CYP4X1: variants seen among roughly 807,000 people sequenced by gnomAD.
CYP4X1 encodes the protein cytochrome P450 4X1.
Under a neutral mutation model 57.9 loss-of-function variants are expected in CYP4X1, and 44 were observed. The ratio of observed to expected loss-of-function variants is 0.76; its 90% CI spans 0.60 to 0.98. CYP4X1 has a LOEUF of 0.98. CYP4X1 is among the 50% of genes least tolerant of loss of function. The probability of loss-of-function intolerance (pLI) is 0.00; values close to 1 mark genes in which losing one functional copy is unlikely to be tolerated. For missense variants in CYP4X1, 532 were observed against 623.9 expected, an observed-to-expected ratio of 0.85 and a Z score of 1.57; for synonymous variants, 227 against 228.6, an observed-to-expected ratio of 0.99 and a Z score of 0.06.
chr1:46,989,371 C>A, the CYP4X1 span, among the ~76,000 whole-genome samples: 3 of 152,028 alleles, frequency 2.0e-5, no homozygotes, highest in African/African-American at 7.2e-5. Context: ...TCAAGGAGAA[C>A]TACAAACCAC....
At chr1:46,961,652 A>G in the CYP4X1 span, 1 of 1,290,496 alleles carries the variant, frequency 7.7e-7, no homozygotes, top group Non-Finnish European at 1.0e-6. Flanking sequence ...CTGCTTATCA[A>G]GGTGCCTCCT....
chr1:47,008,730 T>C, the CYP4X1 span, among the ~76,000 whole-genome samples: 2 of 152,100 alleles, frequency 1.3e-5, no homozygotes, highest in Non-Finnish European at 2.9e-5. Context: ...TGGAGGAAGA[T>C]CTACCAAACA....
At chr1:46,991,708 A>G in the CYP4X1 span, among the ~76,000 whole-genome samples, 1 of 152,180 alleles carries the variant, frequency 6.6e-6, no homozygotes, top group African/African-American at 2.4e-5. Flanking sequence ...GCAAGCGCAG[A>G]GCAAACTTAA....
the CYP4X1 span, among the ~76,000 whole-genome samples, chr1:47,008,131 C>T: frequency 2.6e-5 from 4 of 152,080 alleles, no homozygotes; most frequent in African/African-American, 9.7e-5. Context: ...TCAGATTCAC[C>T]AAAGTTGCAA....
At chr1:46,996,994 C>A in the CYP4X1 span, among the ~76,000 whole-genome samples, 1 of 152,148 alleles carries the variant, frequency 6.6e-6, no homozygotes, top group Non-Finnish European at 1.5e-5. Context: ...GCAGTTGATC[C>A]CCGTGGTGGC....
At chr1:47,024,802 T>C (rs1442970819) in intron 1 of CYP4X1, among the ~76,000 whole-genome samples, 1 of 152,192 alleles carries the variant, frequency 6.6e-6, no homozygotes, top group Non-Finnish European at 1.5e-5. Context: ...TGTGAAGGGC[T>C]GAGCAGAGTC....
chr1:47,040,552 A>G (rs1644234504), intron 8 of CYP4X1, among the ~76,000 whole-genome samples: 1 of 152,198 alleles, frequency 6.6e-6, no homozygotes, highest in Non-Finnish European at 1.5e-5. Context: ...TCATTTTATA[A>G]GGAAATAGAA....
At chr1:46,980,761 G>A in the CYP4X1 span, among the ~76,000 whole-genome samples, 96 of 152,220 alleles carry the variant, frequency 6.3e-4, no homozygotes, top group African/African-American at 2.0e-3. Context: ...AAAACAGCAT[G>A]GTACTGGTAC....
chr1:47,046,453 C>T lies in CYP4X1; in HGVS notation c.1074-14C>T, dbSNP rs1166157166. 8 of 1,613,616 alleles carry T rather than the reference C, an allele frequency of 5.0e-6. No individual in the cohort carries two copies. Among genetic ancestry groups the T allele is most frequent in the Non-Finnish European group, 3.4e-6 (4 of 1,179,826 alleles). On this transcript the variant is annotated splice_polypyrimidine_tract_variant and intron_variant, in intron 8 of 11. Coordinates refer to ENST00000371901, the MANE Select transcript of CYP4X1 (RefSeq NM_178033.2). ...TTATGATATCTGAGTCCCTTCCCTC[C>T]CTCATCCTCACAGGGACCAGCTGGG...
chr1:46,991,488 C>T, the CYP4X1 span, among the ~76,000 whole-genome samples: 1 of 152,214 alleles, frequency 6.6e-6, no homozygotes, highest in Admixed American at 6.5e-5. Flanking sequence ...GAAGTCCTAT[C>T]CCAGAGCTAA....
chr1:46,963,931 C>T, the CYP4X1 span, among the ~76,000 whole-genome samples: 6 of 152,184 alleles, frequency 3.9e-5, no homozygotes, highest in Non-Finnish European at 7.3e-5. Flanking sequence ...TTCTTGGAGG[C>T]TTTGTTCATT....
At position 47,038,678 on chromosome 1, in the gene CYP4X1, GAA is replaced by G. The variant is rs1557607191; in HGVS notation, c.796_797del (p.Lys266GlufsTer11). On this transcript the variant is annotated frameshift_variant, in exon 7 of 12. Transcript: ENST00000371901. LOFTEE classifies it high-confidence loss of function. ...TACCCAGATACAATAATCCAGGAAAGAAAGAAATCCCTCCAGGCTGGGGTAAA... is the reference window on the plus strand; with the variant it reads ...TACCCAGATACAATAATCCAGGAAAGAGAAATCCCTCCAGGCTGGGGTAAA... 6.2e-7 allele frequency: 1 copy of G among 1,608,058 alleles called. No individual in the cohort carries two copies. Among genetic ancestry groups the G allele is most frequent in the South Asian group, 1.1e-5 (1 of 89,762 alleles).
chr1:46,969,670 T>C, the CYP4X1 span, among the ~76,000 whole-genome samples: 1 of 152,258 alleles, frequency 6.6e-6, no homozygotes, highest in African/African-American at 2.4e-5. Context: ...GAAGCAATTA[T>C]AGAGTGTACC....
upstream of CYP4X1, among the ~76,000 whole-genome samples, chr1:47,021,970 G>C (rs925917259): frequency 1.3e-5 from 2 of 152,178 alleles, no homozygotes; most frequent in African/African-American, 4.8e-5. Flanking sequence ...GCATGGATCT[G>C]AGGTCTTTGG....
At chr1:47,052,998 A>G (rs938130346), downstream of CYP4X1, among the ~76,000 whole-genome samples, 2 of 152,054 alleles carry the variant, frequency 1.3e-5, no homozygotes, top group Admixed American at 6.5e-5. Flanking sequence ...TACATGTGCC[A>G]TGTTGGTGTG....
the CYP4X1 span, among the ~76,000 whole-genome samples, chr1:46,980,690 G>A: frequency 6.6e-6 from 1 of 152,132 alleles, no homozygotes; most frequent in Non-Finnish European, 1.5e-5. Context: ...TTAGCAAAAA[G>A]AACAAAGCTG....
chr1:47,012,969 G>A, the CYP4X1 span, among the ~76,000 whole-genome samples: 7 of 151,358 alleles, frequency 4.6e-5, no homozygotes, highest in South Asian at 2.1e-4. Flanking sequence ...TTTTTCCTAC[G>A]TTTTGTTGTT....
At chr1:46,993,774 GTTGT>G in the CYP4X1 span, among the ~76,000 whole-genome samples, 904 of 152,174 alleles carry the variant, frequency 5.9e-3, 12 homozygotes, top group East Asian at 0.045. Context: ...TTTTGATGGG[GTTGT>G]TTGTTTTTTT....
chr1:47,009,980 G>C, the CYP4X1 span, among the ~76,000 whole-genome samples: 1 of 152,296 alleles, frequency 6.6e-6, no homozygotes, highest in African/African-American at 2.4e-5. Flanking sequence ...TCTAGCAGAG[G>C]TACAAGGAGG....
Sources: gnomAD v4.1 joint callset for allele counts (sites outside exome capture counted in the v4.1 genomes callset) on GRCh38, gnomAD v4.1.1 for gene constraint, MANE v1.5 for transcripts, NCBI Gene and HGNC (gene_info 2026-07-23, HGNC 2026-07-21) for gene names.